The following RIMS1 variants were observed in gnomAD, a reference collection of about 807,000 sequenced individuals.
The protein encoded by RIMS1 is regulating synaptic membrane exocytosis 1.
In RIMS1, 83 loss-of-function variants were observed where a neutral mutation model predicts 214.1. The ratio of observed to expected loss-of-function variants is 0.39; its 90% CI spans 0.32 to 0.47. RIMS1 has a LOEUF of 0.47. Ranked by LOEUF, RIMS1 falls within the 20% of genes least tolerant of loss-of-function variation. The pLI, the probability that RIMS1 is intolerant of heterozygous loss-of-function variation, is 0.99. For synonymous variants in RIMS1, 793 were observed against 786.8 expected (o/e 1.01, Z -0.13); for missense variants, 2,050 against 2,161.8 (o/e 0.95, Z 1.03).
intron 6 of RIMS1, among the ~76,000 whole-genome samples, chr6:72,204,296 A>C (rs2153997693): frequency 6.6e-6 from 1 of 152,310 alleles, no homozygotes; most frequent in East Asian, 1.9e-4. Flanking sequence ...AACTGTCCTA[A>C]CACTTTGTCA....
chr6:72,056,491 A>C (rs1442194060), intron 2 of RIMS1, among the ~76,000 whole-genome samples: 2 of 152,242 alleles, frequency 1.3e-5, no homozygotes, highest in Non-Finnish European at 2.9e-5. Context: ...CTTATGCATT[A>C]TTATGCATAA....
At chr6:71,950,700 G>A (rs1789195621) in intron 1 of RIMS1, among the ~76,000 whole-genome samples, 1 of 152,150 alleles carries the variant, frequency 6.6e-6, no homozygotes, top group African/African-American at 2.4e-5. Context: ...AACATTTCAA[G>A]ATTTATTTTT....
intron 6 of RIMS1, among the ~76,000 whole-genome samples, chr6:72,231,491 G>C (rs2061968320): frequency 6.6e-6 from 1 of 151,582 alleles, no homozygotes; most frequent in South Asian, 2.1e-4. Flanking sequence ...CTACAAAACT[G>C]TGTATGGCCA....
At chr6:72,340,990 G>A (rs1214093842) in intron 29 of RIMS1, among the ~76,000 whole-genome samples, 1 of 151,838 alleles carries the variant, frequency 6.6e-6, no homozygotes, top group Non-Finnish European at 1.5e-5. Flanking sequence ...CCTTGAAGAG[G>A]TCCTTCACAT....
At chr6:72,229,167 C>A (rs983080257) in intron 6 of RIMS1, among the ~76,000 whole-genome samples, 1 of 151,744 alleles carries the variant, frequency 6.6e-6, no homozygotes, top group African/African-American at 2.4e-5. Flanking sequence ...GGGCCTTGAG[C>A]TCAAGGGACA....
chr6:72,374,358 A>G (rs1595654501), intron 29 of RIMS1, among the ~76,000 whole-genome samples: 1 of 152,348 alleles, frequency 6.6e-6, no homozygotes, highest in East Asian at 1.9e-4. Flanking sequence ...AGTCAGTGGA[A>G]AAGCAACCAG....
chr6:72,300,401 A>T (rs1231002145), intron 26 of RIMS1, among the ~76,000 whole-genome samples: 1 of 151,848 alleles, frequency 6.6e-6, no homozygotes, highest in Non-Finnish European at 1.5e-5. Flanking sequence ...ACACAGGAAA[A>T]GACTTTCAAA....
At chr6:72,092,312 C>CCTTCCTTCCTTCCTTCCTTCCTTA in intron 2 of RIMS1, among the ~76,000 whole-genome samples, 1 of 135,990 alleles carries the variant, frequency 7.4e-6, no homozygotes, top group African/African-American at 2.7e-5. Context: ...TTCCTTCCTT[C>CCTTCCTTCCTTCCTTCCTTCCTTA]CTTCCTTCCA....
intron 4 of RIMS1, among the ~76,000 whole-genome samples, chr6:72,135,665 A>G (rs2041165672): frequency 6.6e-6 from 1 of 152,200 alleles, no homozygotes. Flanking sequence ...TAAAGCAGCT[A>G]CATCACAGGG....
chr6:72,065,886 A>G (rs1357397272), intron 2 of RIMS1, among the ~76,000 whole-genome samples: 1 of 151,984 alleles, frequency 6.6e-6, no homozygotes, highest in African/African-American at 2.4e-5. Flanking sequence ...AATAGAAATC[A>G]TAAATAATGT....
At chr6:72,241,870 C>T (rs2067082732) in intron 9 of RIMS1, among the ~76,000 whole-genome samples, 1 of 152,158 alleles carries the variant, frequency 6.6e-6, no homozygotes. Flanking sequence ...ATTGCTCTTT[C>T]TTCCAAAAAT....
At chr6:72,153,833 T>C (rs2153907915) in intron 4 of RIMS1, among the ~76,000 whole-genome samples, 1 of 152,328 alleles carries the variant, frequency 6.6e-6, no homozygotes, top group South Asian at 2.1e-4. Flanking sequence ...TTCATTTGTT[T>C]GTACAGGTGG....
chr6:71,998,170 A>G (rs1804047726), intron 2 of RIMS1, among the ~76,000 whole-genome samples: 1 of 152,100 alleles, frequency 6.6e-6, no homozygotes, highest in Non-Finnish European at 1.5e-5. Context: ...ATTATTTAGG[A>G]ACATTTATCT....
intron 6 of RIMS1, 116 bp from the exon 7 acceptor site, chr6:72,233,657 G>T: frequency 1.3e-6 from 1 of 778,188 alleles, no homozygotes; most frequent in Non-Finnish European, 2.2e-6. Flanking sequence ...ATTCTGCGAT[G>T]TACACGCTCA....
chr6:71,980,642 A>T (rs1165534221), intron 2 of RIMS1, among the ~76,000 whole-genome samples: 1 of 152,084 alleles, frequency 6.6e-6, no homozygotes, highest in Non-Finnish European at 1.5e-5. Flanking sequence ...AAGTTTCAGG[A>T]TAATGAATTT....
At chr6:72,340,917 A>G (rs1216696360) in intron 29 of RIMS1, among the ~76,000 whole-genome samples, 1 of 152,104 alleles carries the variant, frequency 6.6e-6, no homozygotes, top group East Asian at 1.9e-4. Flanking sequence ...ATCCATGAGC[A>G]TGGAATGTTC....
At chr6:72,033,072 A>C (rs1818596564) in intron 2 of RIMS1, among the ~76,000 whole-genome samples, 1 of 152,220 alleles carries the variant, frequency 6.6e-6, no homozygotes, top group Admixed American at 6.5e-5. Context: ...TTTTTCAGGA[A>C]GTGAAGAAGA....
In RIMS1 at chr6:71,986,197, T is replaced by G. The variant is rs543344270; in HGVS notation, c.245+17134T>G. 2.0e-3 allele frequency among the ~76,000 whole-genome samples: 306 copies of G among 151,744 alleles called. 1 individual carries two copies. Among genetic ancestry groups the G allele is most frequent in the African/African-American group, 7.1e-3 (295 of 41,402 alleles). Reference sequence around the variant, plus strand: ...ATCACAACTTTGGGTTTTGTTTTTTTTTTTTTTTTTTAATGTTTCACCCTC... The same window carrying G: ...ATCACAACTTTGGGTTTTGTTTTTTGTTTTTTTTTTTAATGTTTCACCCTC... On this transcript the variant is annotated intron_variant, in intron 2 of 33. Coordinates refer to ENST00000521978, the MANE Select transcript of RIMS1 (RefSeq NM_014989.7).
At chr6:72,030,101 T>C (rs1817667366) in intron 2 of RIMS1, among the ~76,000 whole-genome samples, 1 of 152,170 alleles carries the variant, frequency 6.6e-6, no homozygotes, top group African/African-American at 2.4e-5. Flanking sequence ...GATATGAATG[T>C]TCTTTAATTT....
Sources: gnomAD v4.1 joint callset for allele counts (sites outside exome capture counted in the v4.1 genomes callset) on GRCh38, gnomAD v4.1.1 for gene constraint, MANE v1.5 for transcripts, NCBI Gene and HGNC (gene_info 2026-07-23, HGNC 2026-07-21) for gene names.